The following SCN9A variants were observed in gnomAD, a reference collection of about 807,000 sequenced individuals.
SCN9A encodes sodium voltage-gated channel alpha subunit 9.
SCN9A carries 131 observed loss-of-function variants against 187.0 expected under a neutral mutation model. The ratio of observed to expected loss-of-function variants is 0.70; its 90% CI spans 0.61 to 0.81. The LOEUF (loss-of-function observed/expected upper bound fraction) is 0.81, where lower values mean the gene tolerates loss of function less well. Among genes scored for constraint, SCN9A ranks in the 30% least tolerant of loss-of-function variants. SCN9A has a pLI of 0.00. For synonymous variants in SCN9A, 809 were observed against 808.6 expected (o/e 1.00, Z -0.01); for missense variants, 2,252 against 2,396.6 (o/e 0.94, Z 1.26).
chr2:166,245,470 C>A (rs1321096681), intron 18 of SCN9A, among the ~76,000 whole-genome samples: 3 of 151,394 alleles, frequency 2.0e-5, no homozygotes, highest in African/African-American at 2.4e-5. Flanking sequence ...AAAAGAGAAA[C>A]CAAAGAGTAA....
Position 166,305,877 on chromosome 2 carries a change from T to G in SCN9A, c.511A>C (p.Ile171Leu). 6.2e-7 allele frequency: 1 copy of G among 1,613,282 alleles called. No individual in the cohort carries two copies. Among genetic ancestry groups the G allele is most frequent in the Non-Finnish European group, 8.5e-7 (1 of 1,179,498 alleles). Residue 171 changes from isoleucine (I) to leucine (L), a missense_variant, in exon 5 of 27, where the codon ATC (isoleucine) becomes CTC (leucine). Ile to Leu is a conservative substitution (Grantham distance 5). Transcript: ENST00000642356. ...GIYTFESLVKILARGFCVGEF... is the reference protein window; with the variant it reads ...GIYTFESLVKLLARGFCVGEF... ...CCTACACAGAAGCCTCTTGCAAGGA[T>G]TTTTACAAGTGATTCAAAAGTATAT...
At chr2:166,247,291 C>T (rs1056865769) in intron 18 of SCN9A, among the ~76,000 whole-genome samples, 2 of 151,052 alleles carry the variant, frequency 1.3e-5, no homozygotes, top group Admixed American at 6.6e-5. Context: ...TGAAAACAAG[C>T]TTTTTTCACC....
chr2:166,338,470 A>G (rs1056255089), intron 1 of SCN9A, among the ~76,000 whole-genome samples: 1 of 152,044 alleles, frequency 6.6e-6, no homozygotes, highest in Admixed American at 6.6e-5. Context: ...TCCTCTCTCC[A>G]TAACTTTTAT....
Position 166,246,166 on chromosome 2 carries a change from C to G in SCN9A, c.3473-3510G>C, listed in dbSNP as rs16851824. 9.0e-3 allele frequency among the ~76,000 whole-genome samples: 1,362 copies of G among 152,024 alleles called. 16 individuals carry two copies. The highest frequency in any genetic ancestry group is 0.031 in the African/African-American group (1,284 of 41,512). ...TGCTCTTTGTGCTTATAGTACTCAT[C>G]ATAGTCCTCTACTTGGCTTAATAGG... On this transcript the variant is annotated intron_variant, in intron 18 of 26. Coordinates refer to ENST00000642356, the MANE Select transcript of SCN9A (RefSeq NM_001365536.1).
intron 24 of SCN9A, among the ~76,000 whole-genome samples, chr2:166,218,857 T>A (rs1347813395): frequency 6.6e-6 from 1 of 151,960 alleles, no homozygotes; most frequent in Non-Finnish European, 1.5e-5. Flanking sequence ...TATAAGGAAC[T>A]TAAATGAGTT....
rs570000771 is a variant in SCN9A, at chr2:166,310,647, G to C, written c.258+852C>G. Among the ~76,000 whole-genome samples, 13 of 136,836 alleles carry C rather than the reference G, an allele frequency of 9.5e-5. 1 individual carries two copies. The South Asian group carries it at 3.1e-3, about 33-fold the overall frequency. The allele number at this position is 136,836 out of a possible 152,430, so 89.8% of individuals were successfully genotyped here. A position where few individuals can be genotyped will look rare whatever the true frequency, so the allele number is the denominator to read the frequency against. ...GGAGAAATAGGAACACTTTTACACT[G>C]TTGGTGGTAAACTAGTTCAACCATT... On this transcript the variant is annotated intron_variant, in intron 2 of 26. Coordinates refer to ENST00000642356, the MANE Select transcript of SCN9A (RefSeq NM_001365536.1).
intron 24 of SCN9A, among the ~76,000 whole-genome samples, chr2:166,208,888 A>G (rs904986169): frequency 6.6e-6 from 1 of 152,344 alleles, no homozygotes; most frequent in East Asian, 1.9e-4. Flanking sequence ...CAATTTATCC[A>G]TCCTTTCTAG....
intron 1 of SCN9A, among the ~76,000 whole-genome samples, chr2:166,335,257 TAACTA>T (rs1211716552): frequency 2.6e-5 from 4 of 151,812 alleles, no homozygotes; most frequent in Non-Finnish European, 5.9e-5. Context: ...TACAAACTCA[TAACTA>T]AACATAAACA....
At chr2:166,290,690 T>C (rs536457948) in intron 9 of SCN9A, among the ~76,000 whole-genome samples, 2 of 152,278 alleles carry the variant, frequency 1.3e-5, no homozygotes, top group East Asian at 3.9e-4. Flanking sequence ...TTTTTCATGT[T>C]TTTTGGCCGC....
intron 16 of SCN9A, 24 bp from the exon 17 acceptor site, chr2:166,272,899 G>T (rs1697067747): frequency 2.7e-6 from 3 of 1,120,568 alleles, no homozygotes; most frequent in Non-Finnish European, 3.7e-6. Context: ...GGGAGAGGGG[G>T]TAGAGAAATA....
intron 1 of SCN9A, among the ~76,000 whole-genome samples, chr2:166,321,051 A>G (rs1699225447): frequency 6.6e-6 from 1 of 152,240 alleles, no homozygotes; most frequent in Non-Finnish European, 1.5e-5. Flanking sequence ...GTTAAATCAA[A>G]AATATCAGAT....
At position 166,198,860 on chromosome 2, in the gene SCN9A, G is replaced by A. The variant is rs111558968; in HGVS notation, c.5779C>T (p.Leu1927Phe). Reference sequence around the variant, plus strand: ...TCAAAAGCCATATCTTTTTTATTGAGTAAATCATCATCTCTGTCTCCATCT... The same window carrying A: ...TCAAAAGCCATATCTTTTTTATTGAATAAATCATCATCTCTGTCTCCATCT... ...IKDGDRDDDL[L>F]NKKDMAFDNV... Residue 1927 changes from leucine (L) to phenylalanine (F), a missense_variant, in exon 27 of 27, where the codon CTC becomes TTC. Leu to Phe is a conservative substitution (Grantham distance 22). Transcript: ENST00000642356. 1,064 of 1,613,748 alleles carry A rather than the reference G, an allele frequency of 6.6e-4. 10 individuals carry two copies. In the African/African-American group the frequency reaches 0.01, roughly 16 times the overall value.
Position 166,351,439 on chromosome 2 carries a change from T to C in SCN9A, c.-51+24258A>G, listed in dbSNP as rs193152357. Among the ~76,000 whole-genome samples the C allele has an allele frequency of 5.0e-3, 758 of 152,342 alleles. 5 individuals are homozygous for C. Among genetic ancestry groups the C allele is most frequent in the South Asian group, 0.015 (72 of 4,828 alleles). On this transcript the variant is annotated intron_variant, in intron 1 of 26. Transcript: ENST00000642356. ...ATGTGGGTCATGTGGTAAGGTTCTA[T>C]TGCAATATCTTCATGGCTCTCTTGC...
intron 1 of SCN9A, among the ~76,000 whole-genome samples, chr2:166,324,044 A>G (rs981941949): frequency 4.0e-5 from 6 of 151,534 alleles, no homozygotes; most frequent in African/African-American, 1.5e-4. Context: ...GAAAATAGCT[A>G]CATGCTCACA....
intron 7 of SCN9A, among the ~76,000 whole-genome samples, chr2:166,295,792 A>G (rs1698273918): frequency 6.6e-6 from 1 of 152,204 alleles, no homozygotes. Context: ...AGGAGATGAC[A>G]ATGTAATCAA....
intron 16 of SCN9A, among the ~76,000 whole-genome samples, chr2:166,273,632 G>A (rs573168797): frequency 1.3e-5 from 2 of 150,744 alleles, no homozygotes; most frequent in South Asian, 4.2e-4. Context: ...TTTTCTCACT[G>A]AAGTAGAAGT....
chr2:166,353,874 G>A (rs1029611436), intron 1 of SCN9A, among the ~76,000 whole-genome samples: 3 of 152,106 alleles, frequency 2.0e-5, no homozygotes, highest in Non-Finnish European at 2.9e-5. Flanking sequence ...TCTTAGGCAT[G>A]TATTATCACC....
intron 1 of SCN9A, among the ~76,000 whole-genome samples, chr2:166,352,107 G>C (rs569152152): frequency 1.3e-5 from 2 of 152,166 alleles, no homozygotes; most frequent in East Asian, 3.9e-4. Context: ...CCCGTAAAAT[G>C]GGGAGAAAAA....
chr2:166,224,496 A>G (rs1694763293), intron 24 of SCN9A, among the ~76,000 whole-genome samples: 1 of 152,140 alleles, frequency 6.6e-6, no homozygotes, highest in African/African-American at 2.4e-5. Context: ...TTGTAATTCT[A>G]CCATTTAGTC....
Sources: allele counts gnomAD v4.1 joint callset (sites outside exome capture counted in the v4.1 genomes callset), GRCh38; gene constraint gnomAD v4.1.1; transcripts MANE v1.5; gene names NCBI Gene and HGNC (gene_info 2026-07-23, HGNC 2026-07-21).